CTNND2: variants seen among roughly 807,000 people sequenced by gnomAD.
The protein encoded by CTNND2 is catenin delta 2.
In CTNND2, 22 loss-of-function variants were observed where a neutral mutation model predicts 144.4. The ratio of observed to expected loss-of-function variants is 0.15; its 90% CI spans 0.11 to 0.22. CTNND2 has a LOEUF of 0.22. CTNND2 is among the 10% of genes least tolerant of loss of function. The probability of loss-of-function intolerance (pLI) is 1.00; values close to 1 mark genes in which losing one functional copy is unlikely to be tolerated. For synonymous variants in CTNND2, 751 were observed against 695.6 expected (o/e 1.08, Z -1.25); for missense variants, 1,353 against 1,618.8 (o/e 0.84, Z 2.82).
chr5:11,648,841 TAGAG>T lies in CTNND2; in HGVS notation c.174+83291_174+83294del, dbSNP rs978166102. Among the ~76,000 whole-genome samples the T allele has an allele frequency of 5.9e-5, 9 of 152,300 alleles. 1 individual carries two copies. The South Asian group carries it at 6.2e-4, about 11-fold the overall frequency. ...AGTAAAATGCTTAAAATGGTACTGA[TAGAG>T]AGAAGATCTTTATGCGTTACTGTGT... On this transcript the variant is annotated intron_variant, in intron 2 of 21. Transcript: ENST00000304623.
At chr5:11,845,890 A>G (rs1794712146) in intron 1 of CTNND2, among the ~76,000 whole-genome samples, 1 of 152,192 alleles carries the variant, frequency 6.6e-6, no homozygotes, top group Non-Finnish European at 1.5e-5. Flanking sequence ...TATATTTAGA[A>G]AAGCATAAAT....
At chr5:11,820,037 T>C (rs1793227912) in intron 1 of CTNND2, among the ~76,000 whole-genome samples, 1 of 152,180 alleles carries the variant, frequency 6.6e-6, no homozygotes, top group Non-Finnish European at 1.5e-5. Context: ...CAGGGTCACA[T>C]GTCTGACTGC....
At chr5:11,743,499 C>G (rs147226158) in intron 1 of CTNND2, among the ~76,000 whole-genome samples, 1 of 152,250 alleles carries the variant, frequency 6.6e-6, no homozygotes, top group Non-Finnish European at 1.5e-5. Flanking sequence ...CTGATACTTG[C>G]AACCAACAGC....
At chr5:11,748,677 A>C (rs1021849629) in intron 1 of CTNND2, among the ~76,000 whole-genome samples, 1 of 152,052 alleles carries the variant, frequency 6.6e-6, no homozygotes, top group Non-Finnish European at 1.5e-5. Context: ...TTCCCTTTTT[A>C]AATTACCTCC....
intron 11 of CTNND2, among the ~76,000 whole-genome samples, chr5:11,169,525 C>G (rs1236273856): frequency 6.6e-6 from 1 of 152,218 alleles, no homozygotes; most frequent in East Asian, 1.9e-4. Context: ...GAGCTGTTTA[C>G]AGTTCCATTA....
chr5:11,489,185 C>T (rs983826942), intron 3 of CTNND2, among the ~76,000 whole-genome samples: 1 of 152,182 alleles, frequency 6.6e-6, no homozygotes, highest in Non-Finnish European at 1.5e-5. Flanking sequence ...AAGAATTCTA[C>T]TTGCTCCACA....
At chr5:11,666,320 C>T (rs932232519) in intron 2 of CTNND2, among the ~76,000 whole-genome samples, 12 of 152,118 alleles carry the variant, frequency 7.9e-5, no homozygotes, top group Non-Finnish European at 1.5e-4. Context: ...AGTCAGCAGA[C>T]TTATATCAAC....
At chr5:11,065,387 T>C (rs143980591) in intron 16 of CTNND2, among the ~76,000 whole-genome samples, 36 of 152,378 alleles carry the variant, frequency 2.4e-4, no homozygotes, top group African/African-American at 8.2e-4. Context: ...CATATGTGTA[T>C]ACTTTAAATA....
chr5:11,791,181 ACT>A (rs1403946122), intron 1 of CTNND2, among the ~76,000 whole-genome samples: 1 of 152,118 alleles, frequency 6.6e-6, no homozygotes, highest in Non-Finnish European at 1.5e-5. Context: ...CTGTGCCAAC[ACT>A]CTGATTTCAG....
intron 11 of CTNND2, among the ~76,000 whole-genome samples, chr5:11,190,751 C>G (rs144874921): frequency 6.6e-6 from 1 of 152,334 alleles, no homozygotes; most frequent in African/African-American, 2.4e-5. Flanking sequence ...GTAGTTGTAA[C>G]AGAGACCTAG....
chr5:11,783,241 A>T (rs1790640432), intron 1 of CTNND2, among the ~76,000 whole-genome samples: 1 of 152,170 alleles, frequency 6.6e-6, no homozygotes, highest in Non-Finnish European at 1.5e-5. Flanking sequence ...TCCATTGCAT[A>T]GAGATATTCA....
intron 11 of CTNND2, among the ~76,000 whole-genome samples, chr5:11,174,751 A>C (rs1400941864): frequency 6.6e-6 from 1 of 152,240 alleles, no homozygotes; most frequent in African/African-American, 2.4e-5. Flanking sequence ...GAATTTCCTG[A>C]GTCAAGGCAG....
intron 2 of CTNND2, among the ~76,000 whole-genome samples, chr5:11,719,442 G>A (rs950545600): frequency 2.6e-5 from 4 of 152,178 alleles, no homozygotes; most frequent in Non-Finnish European, 5.9e-5. Context: ...TAGACTTGTG[G>A]TGGAGACAAT....
intron 12 of CTNND2, among the ~76,000 whole-genome samples, chr5:11,120,776 C>T (rs10462582): frequency 2.0e-4 from 30 of 147,188 alleles, no homozygotes; most frequent in African/African-American, 5.3e-4. Context: ...TTGAAGAGGG[C>T]GTTATCATAC....
intron 3 of CTNND2, among the ~76,000 whole-genome samples, chr5:11,531,348 G>A (rs944380914): frequency 1.3e-5 from 2 of 152,038 alleles, no homozygotes; most frequent in Admixed American, 6.6e-5. Flanking sequence ...AGGGAGGGCT[G>A]GGCACGGTGG....
chr5:11,586,138 T>C (rs1409487830), intron 2 of CTNND2, among the ~76,000 whole-genome samples: 1 of 152,200 alleles, frequency 6.6e-6, no homozygotes, highest in African/African-American at 2.4e-5. Context: ...TTATATTCAT[T>C]TATTAAAGGT....
intron 3 of CTNND2, among the ~76,000 whole-genome samples, chr5:11,547,463 A>C (rs1250592954): frequency 6.6e-6 from 1 of 152,114 alleles, no homozygotes; most frequent in Non-Finnish European, 1.5e-5. Flanking sequence ...CTATTCATCA[A>C]AGGACACTAC....
rs571692000 is a variant in CTNND2, at chr5:11,695,514, G to A, written c.174+36622C>T. 2.0e-5 allele frequency among the ~76,000 whole-genome samples: 3 copies of A among 152,300 alleles called. No individual in the cohort carries two copies. The East Asian group carries it at 5.8e-4, about 29-fold the overall frequency. On this transcript the variant is annotated intron_variant, in intron 2 of 21. Coordinates refer to ENST00000304623, the MANE Select transcript of CTNND2 (RefSeq NM_001332.4). Reference sequence around the variant, plus strand: ...CTTTTCCTCGGTTATAATGGAATGGGTAAATAACAAGGTATTCAGAGATGT... The same window carrying A: ...CTTTTCCTCGGTTATAATGGAATGGATAAATAACAAGGTATTCAGAGATGT...
chr5:11,709,965 C>A (rs1356711659), intron 2 of CTNND2, among the ~76,000 whole-genome samples: 1 of 152,028 alleles, frequency 6.6e-6, no homozygotes, highest in Non-Finnish European at 1.5e-5. Context: ...TGGTGTTCCA[C>A]TTAAGATCCA....
Sources: allele counts gnomAD v4.1 joint callset (sites outside exome capture counted in the v4.1 genomes callset), GRCh38; gene constraint gnomAD v4.1.1; transcripts MANE v1.5; gene names NCBI Gene and HGNC (gene_info 2026-07-23, HGNC 2026-07-21).